AUTS2: variants seen among roughly 807,000 people sequenced by gnomAD.
AUTS2 encodes the protein activator of transcription and developmental regulator AUTS2.
Under a neutral mutation model 112.4 loss-of-function variants are expected in AUTS2, and 17 were observed. The observed-to-expected ratio is 0.15, with a 90% confidence interval of 0.10 to 0.23. AUTS2 has a LOEUF of 0.23. AUTS2 is among the 10% of genes least tolerant of loss of function. The probability of loss-of-function intolerance (pLI) is 1.00; values close to 1 mark genes in which losing one functional copy is unlikely to be tolerated. For missense variants in AUTS2, 1,510 were observed against 1,701.6 expected (o/e 0.89, Z 1.98); for synonymous variants, 751 against 702.7 (o/e 1.07, Z -1.09).
intron 5 of AUTS2, among the ~76,000 whole-genome samples, chr7:70,465,565 G>A (rs1797138463): frequency 6.6e-6 from 1 of 152,172 alleles, no homozygotes; most frequent in African/African-American, 2.4e-5. Context: ...AATTGCCAAT[G>A]ACAATGAGGG....
intron 1 of AUTS2, among the ~76,000 whole-genome samples, chr7:69,625,261 C>G (rs1357347919): frequency 1.3e-5 from 2 of 152,186 alleles, no homozygotes; most frequent in Non-Finnish European, 2.9e-5. Context: ...TGAAGTAGTT[C>G]TGTGTGTCTA....
At chr7:70,486,178 C>T (rs573989587) in intron 5 of AUTS2, among the ~76,000 whole-genome samples, 56 of 152,064 alleles carry the variant, frequency 3.7e-4, no homozygotes, top group South Asian at 1.2e-3. Flanking sequence ...AGAGATCAGC[C>T]CTAGAAGGAA....
At chr7:69,635,703 A>T (rs1305348522) in intron 1 of AUTS2, among the ~76,000 whole-genome samples, 1 of 152,220 alleles carries the variant, frequency 6.6e-6, no homozygotes, top group Non-Finnish European at 1.5e-5. Flanking sequence ...CTGGGAAAGG[A>T]GGAGGAGACC....
At chr7:69,812,458 G>A (rs2129525055) in intron 1 of AUTS2, among the ~76,000 whole-genome samples, 1 of 152,248 alleles carries the variant, frequency 6.6e-6, no homozygotes, top group Non-Finnish European at 1.5e-5. Context: ...CACTAGAGGT[G>A]CCAAAGATGG....
intron 6 of AUTS2, among the ~76,000 whole-genome samples, chr7:70,709,865 A>C (rs1585548892): frequency 6.6e-6 from 1 of 152,236 alleles, no homozygotes; most frequent in African/African-American, 2.4e-5. Context: ...TCAGTCCTGA[A>C]CTTGTGAACA....
chr7:70,714,374 C>G (rs1585556901), intron 6 of AUTS2, among the ~76,000 whole-genome samples: 4 of 152,290 alleles, frequency 2.6e-5, no homozygotes, highest in Admixed American at 2.6e-4. Context: ...TCTCAGACTT[C>G]ATATCATTTT....
At chr7:70,063,325 T>C (rs957043841) in intron 2 of AUTS2, among the ~76,000 whole-genome samples, 2 of 152,036 alleles carry the variant, frequency 1.3e-5, no homozygotes, top group African/African-American at 2.4e-5. Context: ...GTTGCTCTGC[T>C]AGATTTAAAT....
intron 1 of AUTS2, among the ~76,000 whole-genome samples, chr7:69,750,690 C>T (rs1170505836): frequency 6.6e-6 from 1 of 151,860 alleles, no homozygotes; most frequent in East Asian, 1.9e-4. Context: ...AAGATCTGGG[C>T]CTTACAAAGT....
chr7:70,121,889 C>T (rs549440858), intron 3 of AUTS2, among the ~76,000 whole-genome samples: 1 of 152,274 alleles, frequency 6.6e-6, no homozygotes, highest in South Asian at 2.1e-4. Context: ...CCAGTGTTCA[C>T]TGCAGCATTA....
chr7:69,646,644 T>TTA (rs940921473), intron 1 of AUTS2, among the ~76,000 whole-genome samples: 13 of 152,196 alleles, frequency 8.5e-5, no homozygotes, highest in African/African-American at 3.1e-4. Flanking sequence ...ATGTGGGTAA[T>TTA]TTTAGAGACA....
At chr7:70,075,910 C>T (rs1014470614) in intron 2 of AUTS2, among the ~76,000 whole-genome samples, 10 of 152,166 alleles carry the variant, frequency 6.6e-5, no homozygotes, top group Non-Finnish European at 1.0e-4. Flanking sequence ...TATACATAGC[C>T]AGATAGTAAA....
At chr7:70,448,672 G>C (rs908366911) in intron 5 of AUTS2, among the ~76,000 whole-genome samples, 2 of 152,214 alleles carry the variant, frequency 1.3e-5, no homozygotes, top group Non-Finnish European at 2.9e-5. Flanking sequence ...CTCAGAGACA[G>C]CATGACAACA....
intron 5 of AUTS2, among the ~76,000 whole-genome samples, chr7:70,622,322 C>G (rs1051111083): frequency 3.3e-5 from 5 of 152,134 alleles, no homozygotes; most frequent in African/African-American, 1.2e-4. Context: ...TCCTCTGTTC[C>G]TGGACTTTCA....
intron 4 of AUTS2, among the ~76,000 whole-genome samples, chr7:70,224,348 A>G (rs1415290185): frequency 2.2e-4 from 23 of 105,732 alleles, no homozygotes; most frequent in African/African-American, 1.1e-3. Flanking sequence ...ACAATACAAT[A>G]CAATACAATA....
intron 1 of AUTS2, among the ~76,000 whole-genome samples, chr7:69,641,478 T>A (rs1794794397): frequency 6.6e-6 from 1 of 152,178 alleles, no homozygotes; most frequent in Non-Finnish European, 1.5e-5. Flanking sequence ...CAGGATAGAG[T>A]TGTCTTTGTC....
intron 5 of AUTS2, among the ~76,000 whole-genome samples, chr7:70,557,514 C>G (rs1801301107): frequency 6.6e-6 from 1 of 152,208 alleles, no homozygotes; most frequent in African/African-American, 2.4e-5. Flanking sequence ...TATAGCCAAT[C>G]GAACATGTGC....
intron 4 of AUTS2, among the ~76,000 whole-genome samples, chr7:70,388,465 A>C (rs1443167682): frequency 1.3e-5 from 2 of 152,228 alleles, no homozygotes; most frequent in Non-Finnish European, 2.9e-5. Context: ...CTTGTAGATG[A>C]CAGGCTTTAT....
intron 6 of AUTS2, among the ~76,000 whole-genome samples, chr7:70,704,383 T>A (rs1289368815): frequency 6.6e-6 from 1 of 152,224 alleles, no homozygotes; most frequent in African/African-American, 2.4e-5. Context: ...GTGTAACCCA[T>A]TCCATTCTTT....
intron 4 of AUTS2, among the ~76,000 whole-genome samples, chr7:70,273,423 T>A (rs1349085507): frequency 6.6e-6 from 1 of 152,162 alleles, no homozygotes; most frequent in Non-Finnish European, 1.5e-5. Flanking sequence ...CAGACATACA[T>A]AATAAAATTT....
Sources: gnomAD v4.1 joint callset for allele counts (sites outside exome capture counted in the v4.1 genomes callset) on GRCh38, gnomAD v4.1.1 for gene constraint, MANE v1.5 for transcripts, NCBI Gene and HGNC (gene_info 2026-07-23, HGNC 2026-07-21) for gene names.